Variants in CLHC1 observed in about 807,000 individuals in gnomAD.
The protein encoded by CLHC1 is clathrin heavy chain linker domain-containing protein 1.
A neutral mutation model predicts 69.5 loss-of-function variants in CLHC1; 72 were observed. The ratio of observed to expected loss-of-function variants is 1.04; its 90% CI spans 0.86 to 1.26. CLHC1 has a LOEUF of 1.26. CLHC1 is among the 50% of genes most tolerant of loss of function. The pLI is 0.00. For synonymous variants in CLHC1, 223 were observed against 224.3 expected (o/e 0.99, Z 0.05); for missense variants, 790 against 679.3 (o/e 1.16, Z -1.81).
At chr2:55,197,654 G>A (rs191726873) in intron 9 of CLHC1, among the ~76,000 whole-genome samples, 41 of 152,228 alleles carry the variant, frequency 2.7e-4, no homozygotes, top group Middle Eastern at 3.4e-3. Flanking sequence ...ATGCAGATAT[G>A]GTTGCAGTAA....
intron 2 of CLHC1, chr2:55,224,473 C>A (rs997932449): frequency 2.6e-6 from 1 of 385,460 alleles, no homozygotes; most frequent in Admixed American, 3.0e-5. Flanking sequence ...GCTGGCGCTG[C>A]AGTTTGTGCA....
rs991456332 is a variant in CLHC1 at position 55,174,051 on chromosome 2, A to G, written c.*1739T>C. Among the ~76,000 whole-genome samples, 1 of 152,046 alleles carries G rather than the reference A, an allele frequency of 6.6e-6. No individual in the cohort carries two copies. Among genetic ancestry groups the G allele is most frequent in the East Asian group, 1.9e-4 (1 of 5,192 alleles). On this transcript the variant is annotated 3_prime_UTR_variant, in exon 13 of 13. Transcript: ENST00000401408. ...AAAAGGTTTTAAGCCGTTGGCACAC[A>G]AAGAACCAGTGCTGCCGAAATACCT...
chr2:55,216,332 C>T (rs1388728606), intron 4 of CLHC1, among the ~76,000 whole-genome samples: 1 of 151,684 alleles, frequency 6.6e-6, no homozygotes, highest in Admixed American at 6.6e-5. Flanking sequence ...ATAATTTATC[C>T]ATCAGTGACC....
rs757603397 is a variant in CLHC1, at chr2:55,218,007, T to C, written c.178-9A>G. ...GTGATATGCTCTATTACCTGAAATATTATTTTTCTGCCTATGGTATTGATT... is the reference window on the plus strand; with the variant it reads ...GTGATATGCTCTATTACCTGAAATACTATTTTTCTGCCTATGGTATTGATT... On this transcript the variant is annotated splice_polypyrimidine_tract_variant and intron_variant, in intron 3 of 12. Coordinates refer to ENST00000401408, the MANE Select transcript of CLHC1 (RefSeq NM_152385.4). 2 of 1,383,148 alleles carry C rather than the reference T, an allele frequency of 1.4e-6. No homozygotes were observed. The highest frequency in any genetic ancestry group is 1.9e-6 in the Non-Finnish European group (2 of 1,050,652). 85.7% of individuals were successfully genotyped at this position (1,383,148 alleles called of 1,614,324 possible). A position where few individuals can be genotyped will look rare whatever the true frequency, so the allele number is the denominator to read the frequency against.
rs67704586 is a variant in CLHC1, at chr2:55,178,917, A to AATTATT, written c.1385-1142_1385-1137dup. On this transcript the variant is annotated intron_variant, in intron 11 of 12. Coordinates refer to ENST00000401408, the MANE Select transcript of CLHC1 (RefSeq NM_152385.4). ...TCAAAATCCATTTTATTTTTTAAAA[A>AATTATT]ATTATTATTATTATTATTATTATTA... Among the ~76,000 whole-genome samples, 204 of 144,408 alleles carry AATTATT rather than the reference A, an allele frequency of 1.4e-3. 2 individuals carry two copies. The Middle Eastern group carries it at 0.014, about 10-fold the overall frequency. 94.7% of individuals were successfully genotyped at this position (144,408 alleles called of 152,430 possible).
chr2:55,216,865 G>A (rs1673566807), intron 4 of CLHC1, among the ~76,000 whole-genome samples: 1 of 152,012 alleles, frequency 6.6e-6, no homozygotes, highest in Non-Finnish European at 1.5e-5. Context: ...TATACTAAGA[G>A]GGCCAGGAGT....
chr2:55,226,129 T>G (rs540036322), intron 2 of CLHC1, among the ~76,000 whole-genome samples: 1 of 150,486 alleles, frequency 6.6e-6, no homozygotes, highest in African/African-American at 2.5e-5. Context: ...GAGGCGGAGG[T>G]TGCAGTGAGC....
In CLHC1 at chr2:55,231,713, C is replaced by G. The variant is rs1300311675; in HGVS notation, c.-256+510G>C. Among the ~76,000 whole-genome samples the G allele has an allele frequency of 2.0e-5, 3 of 152,228 alleles. No homozygotes were observed. The East Asian group carries it at 5.8e-4, about 29-fold the overall frequency. Reference sequence around the variant, plus strand: ...ACTTGCTTCTAATTGGCCTCCTTGCCGGAAGAAGCACCCCATACATACTCC... The same window carrying G: ...ACTTGCTTCTAATTGGCCTCCTTGCGGGAAGAAGCACCCCATACATACTCC... On this transcript the variant is annotated intron_variant, in intron 1 of 12. Coordinates refer to ENST00000401408, the MANE Select transcript of CLHC1 (RefSeq NM_152385.4).
intron 7 of CLHC1, 98 bp from the exon 8 acceptor site, chr2:55,208,808 T>C: frequency 1.3e-6 from 1 of 759,242 alleles, no homozygotes; most frequent in African/African-American, 1.7e-5. Context: ...CTTATTGCTA[T>C]GGCTCCTAAC....
chr2:55,230,725 G>A (rs1193410258), intron 1 of CLHC1, among the ~76,000 whole-genome samples: 2 of 152,090 alleles, frequency 1.3e-5, no homozygotes, highest in African/African-American at 4.8e-5. Context: ...GAGATGGAAT[G>A]AGCAACTGTG....
intron 1 of CLHC1, chr2:55,231,829 GCTT>G (rs963823664): frequency 1.3e-5 from 2 of 152,026 alleles, no homozygotes; most frequent in Non-Finnish European, 2.9e-5. Flanking sequence ...TTTCCGTACG[GCTT>G]CACTTTAAAA....
intron 8 of CLHC1, 112 bp from the exon 9 acceptor site, chr2:55,206,488 CA>C (rs1339319733): frequency 3.0e-6 from 2 of 668,692 alleles, no homozygotes; most frequent in African/African-American, 3.7e-5. Flanking sequence ...TATGGAAAAA[CA>C]AAAAGGAATT....
At chr2:55,229,590 G>T (rs772472853) in intron 1 of CLHC1, among the ~76,000 whole-genome samples, 16 of 152,184 alleles carry the variant, frequency 1.1e-4, no homozygotes, top group African/African-American at 3.6e-4. Context: ...ACCTTTGTGC[G>T]GTTTAGAAAA....
rs1406948732 is a variant in CLHC1, at chr2:55,174,484, C to T, written c.*1306G>A. 2.0e-5 allele frequency among the ~76,000 whole-genome samples: 3 copies of T among 152,054 alleles called. No individual in the cohort carries two copies. Among genetic ancestry groups the T allele is most frequent in the East Asian group, 1.9e-4 (1 of 5,186 alleles). On this transcript the variant is annotated 3_prime_UTR_variant, in exon 13 of 13. Transcript: ENST00000401408. ...GTAGAGAAATGTGTGTTTCTGGGGCCGATTACAAAGGAATTACAGCTATCT... is the reference window on the plus strand; with the variant it reads ...GTAGAGAAATGTGTGTTTCTGGGGCTGATTACAAAGGAATTACAGCTATCT...
chr2:55,176,517 T>C (rs577797766), intron 12 of CLHC1, among the ~76,000 whole-genome samples: 5 of 152,324 alleles, frequency 3.3e-5, no homozygotes, highest in African/African-American at 1.2e-4. Context: ...GGGGCTTCTA[T>C]AACAAATATT....
chr2:55,196,223 C>T (rs568015527), intron 9 of CLHC1, among the ~76,000 whole-genome samples: 7 of 152,202 alleles, frequency 4.6e-5, no homozygotes, highest in Non-Finnish European at 8.8e-5. Flanking sequence ...GGCTCAAGTG[C>T]TTTGGGGTCC....
chr2:55,211,091 A>G (rs6747682), intron 5 of CLHC1, among the ~76,000 whole-genome samples: 146,024 of 152,276 alleles, frequency 0.96, 70,069 homozygotes, highest in Admixed American at 0.98. Flanking sequence ...GATTCTACTT[A>G]ATTTTAACCA....
intron 9 of CLHC1, among the ~76,000 whole-genome samples, chr2:55,184,919 A>AACACACACACACAC (rs561837633): frequency 7.1e-5 from 9 of 126,094 alleles, no homozygotes; most frequent in East Asian, 2.3e-4. Flanking sequence ...AAAAAAACAA[A>AACACACACACACAC]ACACACACAC....
chr2:55,193,594 C>T (rs1168097017), intron 9 of CLHC1, among the ~76,000 whole-genome samples: 6 of 152,114 alleles, frequency 3.9e-5, no homozygotes, highest in African/African-American at 1.4e-4. Context: ...TGAGATACCA[C>T]TTCACACTTA....
Sources: gnomAD v4.1 joint callset for allele counts (sites outside exome capture counted in the v4.1 genomes callset) on GRCh38, gnomAD v4.1.1 for gene constraint, MANE v1.5 for transcripts, NCBI Gene and HGNC (gene_info 2026-07-23, HGNC 2026-07-21) for gene names.